ATXN8OS: variants seen among roughly 807,000 people sequenced by gnomAD.
The protein encoded by ATXN8OS is ATXN8 opposite strand lncRNA, also known as ATXN8 opposite strand (non-protein coding).
chr13:70,163,886 G>A (rs985355229), intron 4 of ATXN8OS, among the ~76,000 whole-genome samples: 1 of 144,928 alleles, frequency 6.9e-6, no homozygotes, highest in Non-Finnish European at 1.5e-5. Context: ...GGAAATCATG[G>A]TTTTTTTTTT....
chr13:70,139,958 G>A lies in ATXN8OS; in HGVS notation n.500-7397G>A, dbSNP rs113131589. On this transcript the variant is annotated intron_variant and non_coding_transcript_variant, in intron 3 of 4. Coordinates refer to ENST00000678624, the Ensembl canonical transcript of ATXN8OS. ...GACATATTATAGATTATAATCTGCT[G>A]GAACCTAAACCCATATAGTTCTCCC... Among the ~76,000 whole-genome samples the A allele has an allele frequency of 8.6e-5, 13 of 151,918 alleles. 1 individual carries two copies. The highest frequency in any genetic ancestry group is 2.7e-4 in the African/African-American group (11 of 41,464).
chr13:70,161,397 TG>T (rs1889007324), intron 4 of ATXN8OS, among the ~76,000 whole-genome samples: 1 of 152,150 alleles, frequency 6.6e-6, no homozygotes, highest in South Asian at 2.1e-4. Context: ...CATCTATTTT[TG>T]TTAGTAGATG....
intron 3 of ATXN8OS, among the ~76,000 whole-genome samples, chr13:70,140,100 A>G (rs1386431374): frequency 2.6e-5 from 4 of 152,140 alleles, no homozygotes; most frequent in East Asian, 1.9e-4. Context: ...TCAGAGCCTA[A>G]TTATTACTCT....
At chr13:70,153,014 CTG>C (rs66574752) in intron 4 of ATXN8OS, among the ~76,000 whole-genome samples, 57,954 of 141,478 alleles carry the variant, frequency 0.41, 12,307 homozygotes, top group South Asian at 0.52. Flanking sequence ...TAAGAAAAAA[CTG>C]TGTGTGTGTG....
At chr13:70,127,203 G>A (rs984960979) in intron 2 of ATXN8OS, among the ~76,000 whole-genome samples, 1 of 151,792 alleles carries the variant, frequency 6.6e-6, no homozygotes, top group Non-Finnish European at 1.5e-5. Context: ...CTATTATTTG[G>A]ATATGCATCA....
intron 2 of ATXN8OS, among the ~76,000 whole-genome samples, chr13:70,129,268 A>G (rs1888492197): frequency 6.6e-6 from 1 of 152,164 alleles, no homozygotes; most frequent in African/African-American, 2.4e-5. Context: ...TTTTTCAACA[A>G]AATAGTTTAT....
intron 3 of ATXN8OS, among the ~76,000 whole-genome samples, chr13:70,136,800 A>C (rs1888622050): frequency 6.6e-6 from 1 of 152,208 alleles, no homozygotes; most frequent in Non-Finnish European, 1.5e-5. Flanking sequence ...AATGAAGTAA[A>C]ATTATTTCAA....
intron 3 of ATXN8OS, among the ~76,000 whole-genome samples, chr13:70,146,722 C>T (rs1441097306): frequency 7.2e-6 from 1 of 138,880 alleles, no homozygotes; most frequent in Non-Finnish European, 1.5e-5. Context: ...AATGAGAACA[C>T]ATGGACACAG....
chr13:70,116,306 C>T (rs767355144), intron 2 of ATXN8OS, among the ~76,000 whole-genome samples: 4 of 151,934 alleles, frequency 2.6e-5, no homozygotes, highest in African/African-American at 4.8e-5. Context: ...GGAAGAAATA[C>T]AGAGAGTTTT....
intron 3 of ATXN8OS, among the ~76,000 whole-genome samples, chr13:70,145,013 G>A (rs1326107671): frequency 2.0e-5 from 3 of 152,070 alleles, no homozygotes; most frequent in East Asian, 3.9e-4. Context: ...AATCCATCTT[G>A]AATTAATTTT....
At chr13:70,109,744 C>G (rs1259782825) in intron 1 of ATXN8OS, among the ~76,000 whole-genome samples, 2 of 152,084 alleles carry the variant, frequency 1.3e-5, no homozygotes, top group African/African-American at 4.8e-5. Context: ...ACAATGGTGA[C>G]AGATCATTTT....
At chr13:70,146,748 A>G (rs1238789207) in intron 3 of ATXN8OS, among the ~76,000 whole-genome samples, 1 of 120,032 alleles carries the variant, frequency 8.3e-6, no homozygotes, top group East Asian at 2.9e-4. Context: ...GGAACATCAC[A>G]CTCTGGGAAC....
chr13:70,145,241 T>G (rs538940553), intron 3 of ATXN8OS, among the ~76,000 whole-genome samples: 1 of 152,174 alleles, frequency 6.6e-6, no homozygotes, highest in Non-Finnish European at 1.5e-5. Flanking sequence ...CCATGCTGTT[T>G]TGGTTACTGT....
intron 3 of ATXN8OS, among the ~76,000 whole-genome samples, chr13:70,132,219 A>C (rs560757395): frequency 6.6e-6 from 1 of 152,220 alleles, no homozygotes; most frequent in South Asian, 2.1e-4. Flanking sequence ...AATCAACCTA[A>C]GTGTCCTTCA....
At chr13:70,142,688 G>T (rs1342881130) in intron 3 of ATXN8OS, among the ~76,000 whole-genome samples, 1 of 146,422 alleles carries the variant, frequency 6.8e-6, no homozygotes, top group Non-Finnish European at 1.5e-5. Context: ...TTTATATTCT[G>T]TACCAGATTA....
intron 3 of ATXN8OS, among the ~76,000 whole-genome samples, chr13:70,133,500 G>A (rs1368335222): frequency 1.3e-5 from 2 of 152,128 alleles, no homozygotes; most frequent in African/African-American, 4.8e-5. Context: ...ACAAAGATAC[G>A]TTTAATTCCT....
At position 70,169,978 on chromosome 13, in the gene ATXN8OS, T is replaced by C. The variant is rs531698649; in HGVS notation, n.799T>C. On this transcript the variant is annotated non_coding_transcript_exon_variant, in exon 5 of 5. Coordinates refer to ENST00000678624, the Ensembl canonical transcript of ATXN8OS. ...TGACTTTCTTTCATGCCTTTACTGC[T>C]ACTCTCTGAGGTGTACTTGGGATTG... 8.5e-5 allele frequency among the ~76,000 whole-genome samples: 13 copies of C among 152,246 alleles called. No homozygotes were observed. In the South Asian group the frequency reaches 2.3e-3, roughly 27 times the overall value.
At chr13:70,141,337 A>C (rs1024931366) in intron 3 of ATXN8OS, among the ~76,000 whole-genome samples, 2 of 152,194 alleles carry the variant, frequency 1.3e-5, no homozygotes, top group African/African-American at 4.8e-5. Flanking sequence ...CACAGTGTTC[A>C]ACTCACCCAA....
At chr13:70,133,855 T>C (rs542920776) in intron 3 of ATXN8OS, among the ~76,000 whole-genome samples, 28 of 152,124 alleles carry the variant, frequency 1.8e-4, no homozygotes, top group Non-Finnish European at 4.0e-4. Flanking sequence ...AACAGATTTA[T>C]GTTGTTTTAA....
Sources: gnomAD v4.1 joint callset for allele counts (sites outside exome capture counted in the v4.1 genomes callset) on GRCh38, gnomAD v4.1.1 for gene constraint, MANE v1.5 for transcripts, NCBI Gene and HGNC (gene_info 2026-07-23, HGNC 2026-07-21) for gene names.